Variants in NPR3 observed in about 807,000 individuals in gnomAD.
NPR3 encodes natriuretic peptide receptor 3, also known as atrial natriuretic peptide receptor 3.
Under a neutral mutation model 54.5 loss-of-function variants are expected in NPR3, and 34 were observed. That is an observed-to-expected ratio of 0.62 (90% CI 0.47 to 0.83). The LOEUF is 0.83. NPR3 is among the 40% of genes least tolerant of loss of function. The pLI is 0.00. For synonymous variants in NPR3, 289 were observed against 297.1 expected, an observed-to-expected ratio of 0.97 and a Z score of 0.28; for missense variants, 674 against 720.8, an observed-to-expected ratio of 0.94 and a Z score of 0.74.
chr5:32,730,322 C>T (rs1372168464), intron 2 of NPR3, among the ~76,000 whole-genome samples: 1 of 151,962 alleles, frequency 6.6e-6, no homozygotes, highest in Non-Finnish European at 1.5e-5. Flanking sequence ...ATAGGGGAAC[C>T]TGCTTAGGTT....
rs1346425802 is a variant in NPR3, at chr5:32,786,216, C to A, written c.1515-18C>A. ...TGTAGCCAAGTTTTATTACCACATT[C>A]ACTTTCCCTTTACCCAGGAAGAAAT... On this transcript the variant is annotated intron_variant, in intron 7 of 7. Transcript: ENST00000265074. 2.9e-6 allele frequency: 3 copies of A among 1,038,504 alleles called. No individual in the cohort carries two copies. Among genetic ancestry groups the A allele is most frequent in the Non-Finnish European group, 4.4e-6 (3 of 683,234 alleles). 64.3% of individuals were successfully genotyped at this position (1,038,504 alleles called of 1,614,324 possible). A position where few individuals can be genotyped will look rare whatever the true frequency, so the allele number is the denominator to read the frequency against.
chr5:32,775,909 T>A (rs6864434), intron 4 of NPR3, among the ~76,000 whole-genome samples: 62,422 of 152,032 alleles, frequency 0.41, 13,240 homozygotes, highest in East Asian at 0.63. Context: ...AATGACCCAT[T>A]ATCTCATCTC....
chr5:32,745,115 G>A (rs1740227811), intron 3 of NPR3, among the ~76,000 whole-genome samples: 2 of 152,210 alleles, frequency 1.3e-5, no homozygotes, highest in Admixed American at 1.3e-4. Flanking sequence ...AGTGATGTTG[G>A]CTGGTGGTGG....
intron 3 of NPR3, among the ~76,000 whole-genome samples, chr5:32,758,816 T>C (rs561794987): frequency 6.6e-6 from 1 of 152,338 alleles, no homozygotes; most frequent in South Asian, 2.1e-4. Context: ...TTTGTTCTCA[T>C]TGGTTTCAAA....
At chr5:32,703,375 A>C (rs1328645898) in intron 1 of NPR3, among the ~76,000 whole-genome samples, 5 of 151,836 alleles carry the variant, frequency 3.3e-5, no homozygotes, top group African/African-American at 1.2e-4. Context: ...AAGCTTTGAG[A>C]CAAAGCCCCC....
At chr5:32,766,502 G>A (rs957804495) in intron 3 of NPR3, among the ~76,000 whole-genome samples, 16 of 152,044 alleles carry the variant, frequency 1.1e-4, no homozygotes, top group African/African-American at 3.9e-4. Context: ...CCAATCAAAG[G>A]TCTTTAGATT....
At chr5:32,710,288 T>G (rs1264635682), upstream of NPR3, 1 of 154,334 alleles carries the variant, frequency 6.5e-6, no homozygotes, top group Non-Finnish European at 1.4e-5. Context: ...AAGGAGCGGT[T>G]GGATCTTTGA....
At position 32,754,347 on chromosome 5, in the gene NPR3, GT is replaced by G. The variant is rs144883985; in HGVS notation, c.1059+15327del. On this transcript the variant is annotated intron_variant, in intron 3 of 7. Transcript: ENST00000265074. ...AAGTTATGAAAAATGATTGTAAAGG[GT>G]TTTTTTTTTCTTTTTTTAAGCTCAA... is the stretch of plus-strand genomic sequence containing the variant. 9.3e-4 allele frequency among the ~76,000 whole-genome samples: 139 copies of G among 149,888 alleles called. 1 individual carries two copies. The highest frequency in any genetic ancestry group is 4.8e-3 in the Admixed American group (72 of 14,998).
rs112622460 is a variant in NPR3 at position 32,692,156 on chromosome 5, C to T, written c.100+2970C>T. ...AGAATTGAGGATATAGCTAATTAAA[C>T]ATTTTTACTTGAGGTTAAAAAAGAA... On this transcript the variant is annotated intron_variant, in intron 1 of 5. Transcript: ENST00000509104. 4.6e-3 allele frequency among the ~76,000 whole-genome samples: 698 copies of T among 152,182 alleles called. 7 individuals carry two copies. Among genetic ancestry groups the T allele is most frequent in the African/African-American group, 0.016 (668 of 41,512 alleles).
chr5:32,723,966 T>C (rs2111889437), intron 1 of NPR3, among the ~76,000 whole-genome samples: 1 of 152,246 alleles, frequency 6.6e-6, no homozygotes, highest in East Asian at 1.9e-4. Context: ...TGTGTACATA[T>C]ACATACACAC....
At chr5:32,731,987 A>T (rs1739476545) in intron 2 of NPR3, among the ~76,000 whole-genome samples, 1 of 151,976 alleles carries the variant, frequency 6.6e-6, no homozygotes. Context: ...CACGCCTGTA[A>T]TCCCAGCACT....
chr5:32,713,495 C>T (rs1211873121), intron 1 of NPR3: 9 of 975,250 alleles, frequency 9.2e-6, no homozygotes, highest in Non-Finnish European at 1.1e-5. Context: ...ATCCCTCCTC[C>T]CTCTAGTCAG....
chr5:32,779,018 G>A (rs1330149730), intron 4 of NPR3, among the ~76,000 whole-genome samples: 3 of 152,182 alleles, frequency 2.0e-5, no homozygotes, highest in Non-Finnish European at 4.4e-5. Flanking sequence ...TCTATTTTAA[G>A]AAGACAAAAA....
chr5:32,773,983 C>A (rs1323491258), intron 3 of NPR3, among the ~76,000 whole-genome samples: 1 of 152,154 alleles, frequency 6.6e-6, no homozygotes, highest in African/African-American at 2.4e-5. Flanking sequence ...TTTAAGTTTC[C>A]TGAGGGCAAG....
intron 4 of NPR3, among the ~76,000 whole-genome samples, chr5:32,778,929 T>G (rs1244015093): frequency 6.6e-6 from 1 of 152,258 alleles, no homozygotes; most frequent in East Asian, 1.9e-4. Context: ...AAATATATTT[T>G]AAGCCTATTT....
chr5:32,736,332 T>C (rs1579629730), intron 2 of NPR3, among the ~76,000 whole-genome samples: 1 of 152,170 alleles, frequency 6.6e-6, no homozygotes, highest in African/African-American at 2.4e-5. Context: ...TTTTACTTCT[T>C]TGCAAATTAA....
chr5:32,761,044 T>A (rs1741136138), intron 3 of NPR3, among the ~76,000 whole-genome samples: 1 of 152,174 alleles, frequency 6.6e-6, no homozygotes, highest in East Asian at 1.9e-4. Flanking sequence ...TTACACCAGT[T>A]CTACACTGTC....
At chr5:32,750,660 G>A (rs1174694376) in intron 3 of NPR3, among the ~76,000 whole-genome samples, 2 of 152,094 alleles carry the variant, frequency 1.3e-5, no homozygotes, top group Non-Finnish European at 2.9e-5. Flanking sequence ...TCTTATCAAA[G>A]CAGGGGAAAG....
chr5:32,706,837 C>T (rs1430488197), upstream of NPR3, among the ~76,000 whole-genome samples: 2 of 151,992 alleles, frequency 1.3e-5, no homozygotes, highest in Non-Finnish European at 2.9e-5. Context: ...TTTCCAGGAC[C>T]CTTGGTTTTT....
Sources: gnomAD v4.1 joint callset for allele counts (sites outside exome capture counted in the v4.1 genomes callset) on GRCh38, gnomAD v4.1.1 for gene constraint, MANE v1.5 for transcripts, NCBI Gene and HGNC (gene_info 2026-07-23, HGNC 2026-07-21) for gene names.